The following SLC16A12 variants were observed in gnomAD, a reference collection of about 807,000 sequenced individuals.
SLC16A12 encodes the protein solute carrier family 16 member 12.
A neutral mutation model predicts 42.4 loss-of-function variants in SLC16A12; 17 were observed. The observed-to-expected ratio is 0.40, with a 90% CI of 0.27 to 0.60. The LOEUF (loss-of-function observed/expected upper bound fraction) is 0.60. Ranked by LOEUF, SLC16A12 falls within the 20% of genes least tolerant of loss-of-function variation. The probability of loss-of-function intolerance (pLI) is 0.42; values close to 1 mark genes in which losing one functional copy is unlikely to be tolerated. For synonymous variants in SLC16A12, 224 were observed against 229.4 expected, an observed-to-expected ratio of 0.98 and a Z score of 0.21; for missense variants, 544 against 623.0, an observed-to-expected ratio of 0.87 and a Z score of 1.35.
Position 89,494,090 on chromosome 10 carries a change from T to C in SLC16A12, c.-46-31466A>G, listed in dbSNP as rs1232119307. On this transcript the variant is annotated intron_variant, in intron 2 of 7. Transcript: ENST00000371790. ...TTCTTGAAGAACTATAATACAGTAA[T>C]GTTTAGTATTGAGTTTTTCAATTAT... 2.6e-5 allele frequency among the ~76,000 whole-genome samples: 4 copies of C among 152,192 alleles called. No homozygotes were observed. The East Asian group carries it at 7.7e-4, about 29-fold the overall frequency.
intron 1 of SLC16A12, among the ~76,000 whole-genome samples, chr10:89,534,863 T>A (rs1259895669): frequency 1.3e-5 from 2 of 151,746 alleles, no homozygotes; most frequent in East Asian, 3.9e-4. Context: ...TTTAGAATGC[T>A]GATGTGTGAA....
At chr10:89,508,357 C>T (rs1843102845) in intron 2 of SLC16A12, among the ~76,000 whole-genome samples, 1 of 152,112 alleles carries the variant, frequency 6.6e-6, no homozygotes, top group South Asian at 2.1e-4. Flanking sequence ...TGTAAAAGAA[C>T]AGAAATCACA....
upstream of SLC16A12, among the ~76,000 whole-genome samples, chr10:89,536,558 C>G (rs1843665729): frequency 6.6e-6 from 1 of 152,014 alleles, no homozygotes; most frequent in Non-Finnish European, 1.5e-5. Flanking sequence ...CCAGGACGTA[C>G]CCCACGTAGG....
At chr10:89,539,895 T>TTCTG (rs1360376460), upstream of SLC16A12, among the ~76,000 whole-genome samples, 9 of 148,156 alleles carry the variant, frequency 6.1e-5, no homozygotes, top group Non-Finnish European at 1.2e-4. Flanking sequence ...CTTTCTTTCT[T>TTCTG]TCTTTCTTTC....
chr10:89,483,043 G>A (rs752142849), intron 2 of SLC16A12, among the ~76,000 whole-genome samples: 5 of 152,262 alleles, frequency 3.3e-5, no homozygotes, highest in South Asian at 2.1e-4. Flanking sequence ...AGAAGTCCAC[G>A]ATTAAGGTGT....
intron 2 of SLC16A12, among the ~76,000 whole-genome samples, chr10:89,470,351 T>C (rs925059164): frequency 6.6e-6 from 1 of 152,226 alleles, no homozygotes; most frequent in Non-Finnish European, 1.5e-5. Flanking sequence ...GGTGAAGAGA[T>C]AGTTTCCCTT....
chr10:89,556,574 T>G (rs1489319624), exon 1 of SLC16A12: 2 of 152,218 alleles, frequency 1.3e-5, no homozygotes, highest in Non-Finnish European at 2.9e-5. Flanking sequence ...GGCAGGAACT[T>G]TTTCCTGGTT....
chr10:89,448,488 A>G (rs752596481), intron 3 of SLC16A12, among the ~76,000 whole-genome samples: 9 of 152,222 alleles, frequency 5.9e-5, no homozygotes, highest in Non-Finnish European at 8.8e-5. Context: ...CCATATAAAC[A>G]GGACCCAAGA....
intron 2 of SLC16A12, among the ~76,000 whole-genome samples, chr10:89,496,120 A>C (rs1345960783): frequency 6.6e-6 from 1 of 152,162 alleles, no homozygotes; most frequent in African/African-American, 2.4e-5. Flanking sequence ...TAACATAAGA[A>C]GTGGGATGGG....
chr10:89,492,913 G>A (rs914900354), intron 2 of SLC16A12, among the ~76,000 whole-genome samples: 1 of 151,846 alleles, frequency 6.6e-6, no homozygotes, highest in Non-Finnish European at 1.5e-5. Flanking sequence ...CTCCTGGGGA[G>A]GCCTGGCCAA....
At chr10:89,452,821 A>C (rs1193754676) in intron 3 of SLC16A12, among the ~76,000 whole-genome samples, 2 of 152,214 alleles carry the variant, frequency 1.3e-5, no homozygotes, top group Non-Finnish European at 2.9e-5. Context: ...AGTCAATCCC[A>C]AATGAAATGG....
At chr10:89,529,449 T>C (rs1275396860) in intron 2 of SLC16A12, among the ~76,000 whole-genome samples, 3 of 152,068 alleles carry the variant, frequency 2.0e-5, no homozygotes, top group Non-Finnish European at 2.9e-5. Context: ...TGTTTACATA[T>C]ATGAACCACC....
intron 2 of SLC16A12, among the ~76,000 whole-genome samples, chr10:89,475,295 A>T (rs1842560246): frequency 6.6e-6 from 1 of 152,144 alleles, no homozygotes; most frequent in African/African-American, 2.4e-5. Flanking sequence ...TCCAGCTGGT[A>T]GCCTTACAGA....
At chr10:89,534,061 T>C (rs1843605679) in intron 2 of SLC16A12, among the ~76,000 whole-genome samples, 1 of 151,974 alleles carries the variant, frequency 6.6e-6, no homozygotes, top group Non-Finnish European at 1.5e-5. Flanking sequence ...ACGTGAAGAG[T>C]TTGAATTTAG....
intron 2 of SLC16A12, among the ~76,000 whole-genome samples, chr10:89,555,551 G>A (rs570986453): frequency 2.6e-5 from 3 of 116,294 alleles, no homozygotes; most frequent in Non-Finnish European, 5.7e-5. Flanking sequence ...ATGTATATAC[G>A]TATATATACA....
intron 2 of SLC16A12, among the ~76,000 whole-genome samples, chr10:89,555,625 A>G (rs1843809872): frequency 6.9e-6 from 1 of 145,526 alleles, no homozygotes; most frequent in Non-Finnish European, 1.5e-5. Flanking sequence ...ACAGATATGT[A>G]TATATACACA....
At chr10:89,520,763 G>C (rs1451273970) in intron 2 of SLC16A12, among the ~76,000 whole-genome samples, 1 of 146,910 alleles carries the variant, frequency 6.8e-6, no homozygotes, top group Non-Finnish European at 1.5e-5. Flanking sequence ...GGGTGAAACT[G>C]AACCCATACC....
intron 2 of SLC16A12, among the ~76,000 whole-genome samples, chr10:89,553,746 C>T (rs578172517): frequency 4.9e-4 from 74 of 152,120 alleles, no homozygotes; most frequent in African/African-American, 1.7e-3. Context: ...CGGTGGCTCA[C>T]GCCTGTAATC....
In SLC16A12 at chr10:89,433,206, TG is replaced by T. The variant is rs752138316; in HGVS notation, c.1408del (p.Gln470SerfsTer29). 6.2e-7 allele frequency: 1 copy of T among 1,614,224 alleles called. No homozygotes were observed. The highest frequency in any genetic ancestry group is 1.1e-5 in the South Asian group (1 of 91,088). ...ARLIKRMRKT[Q>X]LQFIAKESDP... The stretch of plus-strand genomic sequence containing the variant: ...AGATTCTTTGGCAATGAACTGCAAC[TG>T]GGTTTTTCTCATTCTCTTTATAAGT... On this transcript the variant is annotated frameshift_variant, in exon 8 of 8. Coordinates refer to ENST00000371790, the MANE Select transcript of SLC16A12 (RefSeq NM_213606.4). LOFTEE classifies it high-confidence loss of function.
Sources: allele counts gnomAD v4.1 joint callset (sites outside exome capture counted in the v4.1 genomes callset), GRCh38; gene constraint gnomAD v4.1.1; transcripts MANE v1.5; gene names NCBI Gene and HGNC (gene_info 2026-07-23, HGNC 2026-07-21).